MYO6: variants seen among roughly 807,000 people sequenced by gnomAD.
The protein encoded by MYO6 is unconventional myosin-VI.
Under a neutral mutation model 178.7 loss-of-function variants are expected in MYO6, and 74 were observed. The observed-to-expected ratio is 0.41, with a 90% CI of 0.34 to 0.50. MYO6 has a LOEUF of 0.50. Among genes scored for constraint, MYO6 ranks in the 20% least tolerant of loss-of-function variants. The pLI is 0.09. For synonymous variants in MYO6, 477 were observed against 504.6 expected, an observed-to-expected ratio of 0.95 and a Z score of 0.73; for missense variants, 1,330 against 1,547.4, an observed-to-expected ratio of 0.86 and a Z score of 2.36.
intron 23 of MYO6, among the ~76,000 whole-genome samples, chr6:75,882,181 G>A (rs148490132): frequency 6.6e-6 from 1 of 152,132 alleles, no homozygotes; most frequent in East Asian, 1.9e-4. Context: ...AATTCTAATT[G>A]TAATTGATTT....
At chr6:75,754,912 G>T (rs1777221444) in intron 1 of MYO6, among the ~76,000 whole-genome samples, 1 of 152,106 alleles carries the variant, frequency 6.6e-6, no homozygotes, top group South Asian at 2.1e-4. Context: ...CTTTTCTACA[G>T]GTAAGGAAAT....
At chr6:75,866,424 C>G in intron 16 of MYO6, 102 bp from the exon 17 acceptor site, 1 of 900,328 alleles carries the variant, frequency 1.1e-6, no homozygotes, top group Non-Finnish European at 1.8e-6. Context: ...GTGAAAATTT[C>G]CTGTATAATT....
At chr6:75,768,620 G>C (rs1259718374) in intron 1 of MYO6, among the ~76,000 whole-genome samples, 1 of 151,942 alleles carries the variant, frequency 6.6e-6, no homozygotes, top group East Asian at 1.9e-4. Context: ...GACCTTAAGT[G>C]ATCCACCAGC....
At chr6:75,830,735 A>G (rs1440219570) in intron 5 of MYO6, among the ~76,000 whole-genome samples, 190 bp downstream of exon 5, 2 of 152,232 alleles carry the variant, frequency 1.3e-5, no homozygotes, top group Admixed American at 6.5e-5. Flanking sequence ...ATACTTTTGT[A>G]GTCAACTAAT....
intron 18 of MYO6, 123 bp from the exon 19 acceptor site, chr6:75,870,524 A>G (rs1055030781): frequency 1.0e-4 from 80 of 769,192 alleles, no homozygotes; most frequent in Admixed American, 1.4e-4. Flanking sequence ...GTTAAACTGG[A>G]ATGTGTTGTA....
At chr6:75,852,548 T>A (rs560905387) in intron 11 of MYO6, among the ~76,000 whole-genome samples, 2 of 152,324 alleles carry the variant, frequency 1.3e-5, no homozygotes, top group African/African-American at 4.8e-5. Context: ...ACTAATCTAC[T>A]TCCTGTCTAT....
Position 75,915,599 on chromosome 6 carries a change from A to G in MYO6, c.*587A>G, listed in dbSNP as rs1274784714. ...ACTTCGAAGTTCTAGAATTCTAGAA[A>G]GAGCCTTAATGTATTTGATGTATTC... On this transcript the variant is annotated 3_prime_UTR_variant, in exon 35 of 35. Transcript: ENST00000369977. The G allele has an allele frequency of 3.1e-5, 5 of 159,880 alleles. No homozygotes were observed. Among genetic ancestry groups the G allele is most frequent in the Admixed American group, 1.2e-4 (2 of 17,108 alleles). The allele number at this position is 159,880 out of a possible 1,614,324, so 9.9% of individuals were successfully genotyped here.
rs758483968 is a variant in MYO6 at position 75,881,748 on chromosome 6, A to G, written c.2346A>G (p.Lys782=). 7 of 1,613,916 alleles carry G rather than the reference A, an allele frequency of 4.3e-6. No individual in the cohort carries two copies. In the South Asian group the frequency reaches 6.6e-5, roughly 15 times the overall value. The part of the protein sequence containing the change: ...SDPDHLAELV[K]RVNHWLTCSR... Reference sequence around the variant, plus strand: ...CTGACCACTTAGCAGAGTTGGTTAAAAGAGTCAATCACTGGCTCACATGCA... The same window carrying G: ...CTGACCACTTAGCAGAGTTGGTTAAGAGAGTCAATCACTGGCTCACATGCA... The change falls in exon 23 of 35, where the codon AAA becomes AAG. Residue 782 remains lysine, a synonymous_variant. Transcript: ENST00000369977.
intron 1 of MYO6, among the ~76,000 whole-genome samples, chr6:75,810,374 G>A (rs996051066): frequency 1.3e-5 from 2 of 152,170 alleles, no homozygotes; most frequent in African/African-American, 4.8e-5. Context: ...TCTCTTCAGG[G>A]TCTGATATCT....
intron 1 of MYO6, among the ~76,000 whole-genome samples, chr6:75,800,003 T>C (rs1769283302): frequency 6.6e-6 from 1 of 152,220 alleles, no homozygotes; most frequent in Admixed American, 6.5e-5. Context: ...CTATGTGTGG[T>C]TTAGTTTTTT....
chr6:75,870,812 A>T (rs1020711513), intron 19 of MYO6, 127 bp downstream of exon 19: 6 of 724,594 alleles, frequency 8.3e-6, no homozygotes, highest in Non-Finnish European at 1.3e-5. Context: ...CTCTTATTTT[A>T]AAAAATTAGT....
intron 1 of MYO6, among the ~76,000 whole-genome samples, chr6:75,776,546 C>A (rs1766398869): frequency 6.6e-6 from 1 of 152,124 alleles, no homozygotes; most frequent in African/African-American, 2.4e-5. Context: ...CCCTAGGCCA[C>A]CACCTGGTTG....
At chr6:75,754,878 G>T (rs1777217569) in intron 1 of MYO6, among the ~76,000 whole-genome samples, 1 of 152,170 alleles carries the variant, frequency 6.6e-6, no homozygotes, top group Admixed American at 6.5e-5. Context: ...ACAACTTGAT[G>T]AAGTAGATTT....
chr6:75,885,716 G>T (rs2149356422), intron 23 of MYO6, among the ~76,000 whole-genome samples: 1 of 152,136 alleles, frequency 6.6e-6, no homozygotes, highest in East Asian at 2.0e-4. Flanking sequence ...GAAGTGCTGG[G>T]ATTACAGGCG....
Position 75,915,502 on chromosome 6 carries a change from T to C in MYO6, c.*490T>C, listed in dbSNP as rs1211285084. ...GTACTTTATAGACATTTTCAGACATTTTTGGAAATTTCCATTAAAGGTGGA... is the reference window on the plus strand; with the variant it reads ...GTACTTTATAGACATTTTCAGACATCTTTGGAAATTTCCATTAAAGGTGGA... On this transcript the variant is annotated 3_prime_UTR_variant, in exon 35 of 35. Transcript: ENST00000369977. The C allele has an allele frequency of 6.1e-6, 1 of 164,096 alleles. No individual in the cohort carries two copies. The highest frequency in any genetic ancestry group is 1.3e-5 in the Non-Finnish European group (1 of 74,404). 10.2% of individuals were successfully genotyped at this position (164,096 alleles called of 1,614,324 possible). A position where few individuals can be genotyped will look rare whatever the true frequency, so the allele number is the denominator to read the frequency against.
At chr6:75,809,668 T>C (rs1770474342) in intron 1 of MYO6, among the ~76,000 whole-genome samples, 1 of 151,962 alleles carries the variant, frequency 6.6e-6, no homozygotes, top group African/African-American at 2.4e-5. Context: ...GGGGAGCTTA[T>C]GGGTCATAGG....
intron 7 of MYO6, 54 bp downstream of exon 7, chr6:75,836,010 T>C (rs1773612931): frequency 1.7e-6 from 2 of 1,188,100 alleles, no homozygotes; most frequent in South Asian, 2.4e-5. Context: ...TTACAAGACT[T>C]CTTTTAGTGG....
intron 30 of MYO6, among the ~76,000 whole-genome samples, chr6:75,901,652 C>T (rs1212988455): frequency 6.6e-6 from 1 of 152,166 alleles, no homozygotes; most frequent in African/African-American, 2.4e-5. Flanking sequence ...TCTAGATATA[C>T]AATCATGTCG....
At position 75,873,396 on chromosome 6, in the gene MYO6, T is replaced by A. The variant is rs9443195; in HGVS notation, c.2077+96T>A. 370,420 of 991,356 alleles carry A rather than the reference T, an allele frequency of 0.37. 72,719 individuals carry two copies. Among genetic ancestry groups the A allele is most frequent in the Admixed American group, 0.56 (29,016 of 51,684 alleles). 61.4% of individuals were successfully genotyped at this position (991,356 alleles called of 1,614,324 possible). A position where few individuals can be genotyped will look rare whatever the true frequency, so the allele number is the denominator to read the frequency against. On this transcript the variant is annotated intron_variant, in intron 20 of 34. Transcript: ENST00000369977. ...TTCAAATAATTCACCATTATCTTGA[T>A]TATTTTACAGTGCAATAAAATTTTC... is the stretch of plus-strand genomic sequence containing the variant.
Sources: gnomAD v4.1 joint callset for allele counts (sites outside exome capture counted in the v4.1 genomes callset) on GRCh38, gnomAD v4.1.1 for gene constraint, MANE v1.5 for transcripts, NCBI Gene and HGNC (gene_info 2026-07-23, HGNC 2026-07-21) for gene names.